Variants in PLG observed in about 807,000 individuals in gnomAD.
PLG encodes plasmin.
A neutral mutation model predicts 104.4 loss-of-function variants in PLG; 41 were observed. The observed-to-expected ratio is 0.39, with a 90% confidence interval of 0.31 to 0.51. The LOEUF (loss-of-function observed/expected upper bound fraction) is 0.51, where lower values mean the gene tolerates loss of function less well. PLG is among the 20% of genes least tolerant of loss of function. PLG has a pLI of 0.76. For synonymous variants in PLG, 337 were observed against 357.1 expected, an observed-to-expected ratio of 0.94 and a Z score of 0.63; for missense variants, 891 against 1,003.6, an observed-to-expected ratio of 0.89 and a Z score of 1.52.
In PLG at chr6:160,739,959, T is replaced by C. The variant is rs977392821; in HGVS notation, c.2018+751T>C. Among the ~76,000 whole-genome samples the C allele has an allele frequency of 2.0e-5, 3 of 152,224 alleles. No individual in the cohort carries two copies. Among genetic ancestry groups the C allele is most frequent in the Non-Finnish European group, 4.4e-5 (3 of 68,044 alleles). The stretch of plus-strand genomic sequence containing the variant: ...ACATTTGCTTATGTCACTCATTTAG[T>C]GCTGTTTGGAGCCAGATACTAGTTG... On this transcript the variant is annotated intron_variant, in intron 16 of 18. Transcript: ENST00000308192. This position sits in a 1 kb window ranked among gnomAD's most constrained non-coding sequence, Gnocchi z 4.4.
rs1348819811 is a variant in PLG at position 160,752,830 on chromosome 6, A to C, written c.2272-70A>C. 1 of 1,516,434 alleles carries C rather than the reference A, an allele frequency of 6.6e-7. No individual in the cohort carries two copies. Among genetic ancestry groups the C allele is most frequent in the Non-Finnish European group, 9.2e-7 (1 of 1,091,500 alleles). 93.9% of individuals were successfully genotyped at this position (1,516,434 alleles called of 1,614,324 possible). A position where few individuals can be genotyped will look rare whatever the true frequency, so the allele number is the denominator to read the frequency against. On this transcript the variant is annotated intron_variant, in intron 18 of 18. Transcript: ENST00000308192. The surrounding 1 kb of genome is among the most constrained non-coding windows in gnomAD (Gnocchi z 4.7). ...GGGAAAATGTATATATGGATAGTAG[A>C]AGGATGGCATCCCATAATAAAAGGC...
Position 160,731,724 on chromosome 6 carries a change from A to G in PLG, c.1439-21A>G. 6.2e-7 allele frequency: 1 copy of G among 1,612,306 alleles called. No individual in the cohort carries two copies. The highest frequency in any genetic ancestry group is 1.3e-5 in the African/African-American group (1 of 74,962). Reference sequence around the variant, plus strand: ...TGGGTCTCTGTGGCTCTTCATAATCATCCATTTTTTCCCTGTACAGACTGT... The same window carrying G: ...TGGGTCTCTGTGGCTCTTCATAATCGTCCATTTTTTCCCTGTACAGACTGT... On this transcript the variant is annotated intron_variant, in intron 11 of 18. Coordinates refer to ENST00000308192, the MANE Select transcript of PLG (RefSeq NM_000301.5). The surrounding 1 kb of genome is among the most constrained non-coding windows in gnomAD (Gnocchi z 5.1).
intron 17 of PLG, among the ~76,000 whole-genome samples, chr6:160,749,247 C>G (rs866141035): frequency 1.3e-5 from 2 of 152,098 alleles, no homozygotes; most frequent in Admixed American, 6.6e-5. Context: ...TAAGATTATG[C>G]CTCATGATCA....
chr6:160,702,939 C>CACTT (rs148893249), intron 1 of PLG, among the ~76,000 whole-genome samples: 76,871 of 151,626 alleles, frequency 0.51, 20,126 homozygotes, highest in Non-Finnish European at 0.58. Context: ...AACAAATACT[C>CACTT]AGTTGCTTGG....
intron 17 of PLG, among the ~76,000 whole-genome samples, chr6:160,748,542 T>G (rs138722044): frequency 7.9e-5 from 12 of 151,490 alleles, no homozygotes; most frequent in Middle Eastern, 6.9e-3. Flanking sequence ...TGCAGGGCTA[T>G]TGGGGGAGAA....
At chr6:160,711,622 T>G in intron 4 of PLG, 1 of 1,610,578 alleles carries the variant, frequency 6.2e-7, no homozygotes, top group Non-Finnish European at 8.5e-7. Context: ...CAACTATTTT[T>G]GGCACCATAG....
rs1344012871 is a variant in PLG, at chr6:160,731,933, C to A, written c.1587+40C>A. ...TTTGGACTCTTTGGCCTTTTGCTCA[C>A]CAATCTTTGCAAACAGAATTGGTTC... On this transcript the variant is annotated intron_variant, in intron 12 of 18. Transcript: ENST00000308192. The surrounding 1 kb of genome is among the most constrained non-coding windows in gnomAD (Gnocchi z 5.1). 1.2e-6 allele frequency: 2 copies of A among 1,604,106 alleles called. No homozygotes were observed. The highest frequency in any genetic ancestry group is 1.1e-5 in the South Asian group (1 of 90,868).
chr6:160,707,641 A>C, intron 2 of PLG, 59 bp from the exon 3 acceptor site: 1 of 1,464,698 alleles, frequency 6.8e-7, no homozygotes. Context: ...TTATTAATAA[A>C]CATTTGTTTT....
intron 1 of PLG, among the ~76,000 whole-genome samples, chr6:160,703,929 C>G (rs1185343461): frequency 6.6e-6 from 1 of 152,062 alleles, no homozygotes; most frequent in Non-Finnish European, 1.5e-5. Context: ...CTGCAATGCC[C>G]GGGGAGAGGG....
At chr6:160,710,945 A>G in intron 3 of PLG, 132 bp from the exon 4 acceptor site, 1 of 802,222 alleles carries the variant, frequency 1.2e-6, no homozygotes, top group South Asian at 1.5e-5. Flanking sequence ...TGCAGATGCA[A>G]AAGATGATCT....
rs997658057 is a variant in PLG, at chr6:160,737,333, T to C, written c.1802+326T>C. Among the ~76,000 whole-genome samples, 7 of 152,180 alleles carry C rather than the reference T, an allele frequency of 4.6e-5. No homozygotes were observed. Among genetic ancestry groups the C allele is most frequent in the African/African-American group, 1.7e-4 (7 of 41,444 alleles). ...TGAGGATTTCTATGGATATCCATTG[T>C]CTCATTGTCAGATGAAAAGAGGGGG... On this transcript the variant is annotated intron_variant, in intron 14 of 18. Coordinates refer to ENST00000308192, the MANE Select transcript of PLG (RefSeq NM_000301.5). This position sits in a 1 kb window ranked among gnomAD's most constrained non-coding sequence, Gnocchi z 4.7.
chr6:160,732,689 A>C lies in PLG; in HGVS notation c.1587+796A>C, dbSNP rs1778018859. Among the ~76,000 whole-genome samples the C allele has an allele frequency of 6.6e-6, 1 of 152,162 alleles. No homozygotes were observed. Among genetic ancestry groups the C allele is most frequent in the Non-Finnish European group, 1.5e-5 (1 of 68,032 alleles). ...AGTGGCTCACAGAACTCAGGGGAACACGTTACTTTTATTTACCCATTTGTT... is the reference window on the plus strand; with the variant it reads ...AGTGGCTCACAGAACTCAGGGGAACCCGTTACTTTTATTTACCCATTTGTT... On this transcript the variant is annotated intron_variant, in intron 12 of 18. Transcript: ENST00000308192. This position sits in a 1 kb window ranked among gnomAD's most constrained non-coding sequence, Gnocchi z 4.5.
In PLG at chr6:160,737,057, G is replaced by T. The variant is rs1778097399; in HGVS notation, c.1802+50G>T. On this transcript the variant is annotated intron_variant, in intron 14 of 18. Transcript: ENST00000308192. The surrounding 1 kb of genome is among the most constrained non-coding windows in gnomAD (Gnocchi z 4.7). Reference sequence around the variant, plus strand: ...TATACTGTCCCTCCACGTAAGCCCTGCAAAACCCTTCTACATTTACATAAA... The same window carrying T: ...TATACTGTCCCTCCACGTAAGCCCTTCAAAACCCTTCTACATTTACATAAA... The T allele has an allele frequency of 6.2e-7, 1 of 1,608,126 alleles. No homozygotes were observed.
In PLG at chr6:160,706,447, G is replaced by T; in HGVS notation, c.90G>T (p.Gly30=). ...EPLDDYVNTQ[G]ASLFSVTKKQ... is the part of the protein sequence containing the mutation. ...TGGATGACTATGTGAATACCCAGGGGGCTTCACTGTTCAGTGTCACTAAGA... is the reference window on the plus strand; with the variant it reads ...TGGATGACTATGTGAATACCCAGGGTGCTTCACTGTTCAGTGTCACTAAGA... Residue 30 remains glycine (G), a synonymous_variant, in exon 2 of 19, where the codon GGG becomes GGT. Transcript: ENST00000308192. 2 of 1,613,638 alleles carry T rather than the reference G, an allele frequency of 1.2e-6. No individual in the cohort carries two copies. The highest frequency in any genetic ancestry group is 1.7e-6 in the Non-Finnish European group (2 of 1,179,690).
At chr6:160,727,215 CA>C (rs1245439417) in intron 10 of PLG, among the ~76,000 whole-genome samples, 2 of 151,200 alleles carry the variant, frequency 1.3e-5, no homozygotes, top group Non-Finnish European at 3.0e-5. Flanking sequence ...AACAAATAAG[CA>C]AATTGGACAC....
rs1778017271 is a variant in PLG, at chr6:160,732,546, T to C, written c.1587+653T>C. Among the ~76,000 whole-genome samples, 1 of 152,106 alleles carries C rather than the reference T, an allele frequency of 6.6e-6. No individual in the cohort carries two copies. Among genetic ancestry groups the C allele is most frequent in the African/African-American group, 2.4e-5 (1 of 41,408 alleles). On this transcript the variant is annotated intron_variant, in intron 12 of 18. Coordinates refer to ENST00000308192, the MANE Select transcript of PLG (RefSeq NM_000301.5). This position sits in a 1 kb window ranked among gnomAD's most constrained non-coding sequence, Gnocchi z 4.5. ...GGAGACAGTGTCAGATCCCATAAGT[T>C]AAGGCTCAGTCCCACAAGACCGCCC...
intron 3 of PLG, 53 bp from the exon 4 acceptor site, chr6:160,711,024 C>T: frequency 6.3e-7 from 1 of 1,591,294 alleles, no homozygotes; most frequent in Non-Finnish European, 8.6e-7. Context: ...CTGTGCAGAC[C>T]TTCATGTGGT....
chr6:160,718,269 T>C (rs1470331932), intron 7 of PLG, 25 bp from the exon 8 acceptor site: 2 of 1,598,136 alleles, frequency 1.3e-6, no homozygotes, highest in East Asian at 4.5e-5. Flanking sequence ...TATATATTCA[T>C]TGTAACTTAT....
At chr6:160,716,276 A>AT (rs1437636812) in intron 6 of PLG, among the ~76,000 whole-genome samples, 1 of 152,188 alleles carries the variant, frequency 6.6e-6, no homozygotes, top group Non-Finnish European at 1.5e-5. Flanking sequence ...CTGTTGAGTG[A>AT]TTTTTACACA....
Sources: allele counts gnomAD v4.1 joint callset (sites outside exome capture counted in the v4.1 genomes callset), GRCh38; gene constraint gnomAD v4.1.1; non-coding constraint Gnocchi (gnomAD v3.1); transcripts MANE v1.5; gene names NCBI Gene and HGNC (gene_info 2026-07-23, HGNC 2026-07-21).